SYNPR: variants seen among roughly 807,000 people sequenced by gnomAD.
The protein encoded by SYNPR is synaptoporin.
In SYNPR, 23 loss-of-function variants were observed where a neutral mutation model predicts 32.9. That is an observed-to-expected ratio of 0.70 (90% CI 0.50 to 0.99). The LOEUF (loss-of-function observed/expected upper bound fraction) is 0.99, where lower values mean the gene tolerates loss of function less well. Ranked by LOEUF, SYNPR falls within the 50% of genes least tolerant of loss-of-function variation. SYNPR has a pLI of 0.00. For synonymous variants in SYNPR, 146 were observed against 135.9 expected, an observed-to-expected ratio of 1.07 and a Z score of -0.52; for missense variants, 318 against 349.3, an observed-to-expected ratio of 0.91 and a Z score of 0.71.
intron 2 of SYNPR, among the ~76,000 whole-genome samples, chr3:63,262,685 A>G (rs911647002): frequency 6.6e-6 from 1 of 152,142 alleles, no homozygotes; most frequent in South Asian, 2.1e-4. Flanking sequence ...CCCACAGAAG[A>G]CAGAGGCAGC....
intron 2 of SYNPR, among the ~76,000 whole-genome samples, chr3:63,359,287 T>A (rs2087626067): frequency 6.6e-6 from 1 of 152,110 alleles, no homozygotes. Context: ...ACAGGAGACT[T>A]TACCTGCATG....
intron 2 of SYNPR, among the ~76,000 whole-genome samples, chr3:63,287,559 C>T (rs960312828): frequency 2.0e-5 from 3 of 152,154 alleles, no homozygotes; most frequent in Admixed American, 6.5e-5. Flanking sequence ...TAACACAGTG[C>T]TTAACACACA....
chr3:63,347,491 T>A (rs1191412260), intron 2 of SYNPR, among the ~76,000 whole-genome samples: 1 of 152,240 alleles, frequency 6.6e-6, no homozygotes, highest in Non-Finnish European at 1.5e-5. Context: ...TTTAAAAACA[T>A]TTGTATAAAT....
At chr3:63,476,167 G>GA (rs1378790709) in intron 2 of SYNPR, among the ~76,000 whole-genome samples, 49 of 41,432 alleles carry the variant, frequency 1.2e-3, no homozygotes, top group African/African-American at 3.4e-3. Context: ...GGGAGGGAGG[G>GA]AGGGAGGGAA....
chr3:63,460,222 A>G (rs189620946), intron 2 of SYNPR, among the ~76,000 whole-genome samples: 31 of 152,188 alleles, frequency 2.0e-4, no homozygotes, highest in African/African-American at 7.2e-4. Context: ...CTAGCCATTG[A>G]CTGTCTCTCC....
chr3:63,460,571 C>T (rs1258481085), intron 2 of SYNPR, among the ~76,000 whole-genome samples: 8 of 35,000 alleles, frequency 2.3e-4, no homozygotes, highest in Admixed American at 1.3e-3. Flanking sequence ...GATTGGTAGA[C>T]CAAAAAAAAA....
chr3:63,252,709 C>T (rs933712989), intron 2 of SYNPR: 3 of 152,046 alleles, frequency 2.0e-5, no homozygotes, highest in African/African-American at 7.2e-5. Context: ...TTAATGGACA[C>T]TGAGCAAATC....
intron 3 of SYNPR, among the ~76,000 whole-genome samples, chr3:63,269,844 A>G (rs1489637823): frequency 6.6e-6 from 1 of 152,118 alleles, no homozygotes; most frequent in Non-Finnish European, 1.5e-5. Flanking sequence ...AGTAGTCCAT[A>G]TTTTCTACCT....
chr3:63,222,471 G>T, the SYNPR span, among the ~76,000 whole-genome samples: 1 of 152,044 alleles, frequency 6.6e-6, no homozygotes. Context: ...CTTAAGAGAG[G>T]ATAGTACCAT....
chr3:63,469,228 T>C (rs142142593), intron 2 of SYNPR, among the ~76,000 whole-genome samples: 265 of 152,252 alleles, frequency 1.7e-3, no homozygotes, highest in African/African-American at 6.0e-3. Flanking sequence ...TTGTGACTTA[T>C]CTTCAGTTTT....
At chr3:63,250,216 G>A (rs2086320612) in intron 1 of SYNPR, among the ~76,000 whole-genome samples, 1 of 152,100 alleles carries the variant, frequency 6.6e-6, no homozygotes. Flanking sequence ...AATTGTAAAT[G>A]TTTGAGGTAA....
intron 3 of SYNPR, among the ~76,000 whole-genome samples, chr3:63,494,221 T>C (rs1041273688): frequency 6.6e-6 from 1 of 151,018 alleles, no homozygotes; most frequent in African/African-American, 2.4e-5. Flanking sequence ...AGAAAGCAAA[T>C]GGTAATTTAA....
intron 3 of SYNPR, among the ~76,000 whole-genome samples, chr3:63,509,452 A>G (rs1701654395): frequency 6.6e-6 from 1 of 152,040 alleles, no homozygotes; most frequent in Admixed American, 6.6e-5. Context: ...ATCTCTTAAA[A>G]TAAGTGTGGC....
At chr3:63,483,907 G>A (rs956502580) in intron 3 of SYNPR, among the ~76,000 whole-genome samples, 1 of 152,148 alleles carries the variant, frequency 6.6e-6, no homozygotes, top group Non-Finnish European at 1.5e-5. Context: ...AATAAGGTAA[G>A]AACATTCAGT....
At chr3:63,306,463 G>C (rs999082544) in intron 2 of SYNPR, among the ~76,000 whole-genome samples, 14 of 151,798 alleles carry the variant, frequency 9.2e-5, no homozygotes, top group African/African-American at 3.4e-4. Context: ...TTCACCAGCA[G>C]AGCCTACTGA....
At chr3:63,400,398 C>A (rs973218496) in intron 2 of SYNPR, among the ~76,000 whole-genome samples, 2 of 152,188 alleles carry the variant, frequency 1.3e-5, no homozygotes, top group African/African-American at 2.4e-5. Flanking sequence ...GCTGCAGTAA[C>A]CTGAAGGACT....
At chr3:63,314,545 A>G (rs2087020723) in intron 2 of SYNPR, among the ~76,000 whole-genome samples, 1 of 151,918 alleles carries the variant, frequency 6.6e-6, no homozygotes, top group East Asian at 1.9e-4. Flanking sequence ...TTGTCTATTC[A>G]TGTCCTTTGC....
intron 4 of SYNPR, among the ~76,000 whole-genome samples, chr3:63,574,734 CAT>C (rs1445107006): frequency 6.6e-6 from 1 of 152,092 alleles, no homozygotes; most frequent in Non-Finnish European, 1.5e-5. Flanking sequence ...GCACACAACA[CAT>C]ATACAGAACT....
In SYNPR at chr3:63,350,441, G is replaced by A. The variant is rs529558612; in HGVS notation, c.84+71699G>A. ...TTCTTCATATTTTTTTTGCAAGTGG[G>A]ACTTCAGACTATATCGTGATAGGAG... On this transcript the variant is annotated intron_variant, in intron 2 of 5. Transcript: ENST00000478300. Among the ~76,000 whole-genome samples, 20 of 152,260 alleles carry A rather than the reference G, an allele frequency of 1.3e-4. 1 individual carries two copies. Among genetic ancestry groups the A allele is most frequent in the Admixed American group, 1.2e-3 (19 of 15,292 alleles).
Sources: allele counts gnomAD v4.1 joint callset (sites outside exome capture counted in the v4.1 genomes callset), GRCh38; gene constraint gnomAD v4.1.1; transcripts MANE v1.5; gene names NCBI Gene and HGNC (gene_info 2026-07-23, HGNC 2026-07-21).